The following SMCO4 variants were observed in gnomAD, a reference collection of about 807,000 sequenced individuals.
SMCO4 encodes the protein single-pass membrane and coiled-coil domain-containing protein 4.
A neutral mutation model predicts 3.6 loss-of-function variants in SMCO4; 4 were observed. That is an observed-to-expected ratio of 1.11 (90% CI 0.54 to 2.53). The LOEUF (loss-of-function observed/expected upper bound fraction) is 2.53, where lower values mean the gene tolerates loss of function less well. SMCO4 is among the 30% of genes most tolerant of loss of function. The probability of loss-of-function intolerance (pLI) is 0.02; values close to 1 mark genes in which losing one functional copy is unlikely to be tolerated. For synonymous variants in SMCO4, 36 were observed against 35.3 expected (o/e 1.02, Z -0.07); for missense variants, 70 against 80.8 (o/e 0.87, Z 0.51).
chr11:93,511,490 T>C (rs1163769273), intron 1 of SMCO4, among the ~76,000 whole-genome samples: 1 of 152,180 alleles, frequency 6.6e-6, no homozygotes, highest in Admixed American at 6.5e-5. Context: ...ATTCTCTCCA[T>C]GTCTGTGTGG....
At chr11:93,533,897 C>T (rs1949187194) in intron 1 of SMCO4, among the ~76,000 whole-genome samples, 1 of 152,088 alleles carries the variant, frequency 6.6e-6, no homozygotes, top group African/African-American at 2.4e-5. Flanking sequence ...CATTTTAAAA[C>T]AGTTATTAGC....
At chr11:93,506,197 G>C (rs372623923) in intron 1 of SMCO4, among the ~76,000 whole-genome samples, 1 of 152,180 alleles carries the variant, frequency 6.6e-6, no homozygotes, top group African/African-American at 2.4e-5. Context: ...TATGGAAAGC[G>C]AGAGAATCTA....
intron 1 of SMCO4, among the ~76,000 whole-genome samples, chr11:93,500,087 G>C (rs1024189176): frequency 6.6e-6 from 1 of 152,244 alleles, no homozygotes. Context: ...ACATAATTGA[G>C]TAATGGTACA....
At position 93,533,817 on chromosome 11, in the gene SMCO4, T is replaced by C. The variant is rs144689914; in HGVS notation, c.-154+9459A>G. On this transcript the variant is annotated intron_variant, in intron 1 of 2. Transcript: ENST00000298966. ...TCTGCCCCGACAGCTACTAATCTCCTGACCTCTTCTCTTTAATGTTACCAG... is the reference window on the plus strand; with the variant it reads ...TCTGCCCCGACAGCTACTAATCTCCCGACCTCTTCTCTTTAATGTTACCAG... 6.9e-3 allele frequency among the ~76,000 whole-genome samples: 1,046 copies of C among 152,292 alleles called. 15 individuals are homozygous for C. Among genetic ancestry groups the C allele is most frequent in the African/African-American group, 0.024 (1,011 of 41,554 alleles).
chr11:93,481,470 T>C (rs1948591827), intron 2 of SMCO4: 1 of 985,276 alleles, frequency 1.0e-6, no homozygotes, highest in Non-Finnish European at 1.2e-6. Context: ...GGAAGCTGTA[T>C]AACTCAGGGC....
chr11:93,516,832 A>G (rs1414512991), intron 1 of SMCO4, among the ~76,000 whole-genome samples: 1 of 152,190 alleles, frequency 6.6e-6, no homozygotes, highest in Admixed American at 6.5e-5. Flanking sequence ...AGAGATCTAC[A>G]TACCCATTTA....
intron 1 of SMCO4, among the ~76,000 whole-genome samples, chr11:93,524,276 C>A (rs537707663): frequency 6.6e-6 from 1 of 152,216 alleles, no homozygotes; most frequent in African/African-American, 2.4e-5. Flanking sequence ...AGGAAACGGC[C>A]GGGAGGGAAC....
intron 1 of SMCO4, among the ~76,000 whole-genome samples, chr11:93,538,499 C>T (rs1379870911): frequency 6.6e-6 from 1 of 152,204 alleles, no homozygotes; most frequent in African/African-American, 2.4e-5. Context: ...AGGAATCCAA[C>T]TTCATTCTCT....
chr11:93,479,213 G>T lies in SMCO4; in HGVS notation c.-24C>A. On this transcript the variant is annotated 5_prime_UTR_variant, in exon 3 of 3. Transcript: ENST00000298966. ...ATCTTTCCTAGAGGATGCTAGGAGG[G>T]TGTGTCCAGAGGGATTCCAGGAAGG... The T allele has an allele frequency of 6.2e-7, 1 of 1,609,900 alleles. No individual in the cohort carries two copies. The highest frequency in any genetic ancestry group is 8.5e-7 in the Non-Finnish European group (1 of 1,177,766).
chr11:93,541,737 G>GT (rs1359625639), intron 1 of SMCO4, among the ~76,000 whole-genome samples: 1 of 152,056 alleles, frequency 6.6e-6, no homozygotes, highest in African/African-American at 2.4e-5. Flanking sequence ...ACTACTATTA[G>GT]TTTTTTGTTG....
At chr11:93,549,839 C>T in the SMCO4 span, among the ~76,000 whole-genome samples, 1 of 152,070 alleles carries the variant, frequency 6.6e-6, no homozygotes, top group Non-Finnish European at 1.5e-5. Context: ...AGCTTGAAGT[C>T]CTGTACATTT....
At position 93,478,758 on chromosome 11, in the gene SMCO4, C is replaced by CAA; in HGVS notation, c.*251_*252insTT. The CAA allele has an allele frequency of 2.3e-4, 209 of 925,418 alleles. No individual in the cohort carries two copies. The highest frequency in any genetic ancestry group is 3.8e-4 in the Middle Eastern group (1 of 2,634). The allele number at this position is 925,418 out of a possible 1,614,324, so 57.3% of individuals were successfully genotyped here. A position where few individuals can be genotyped will look rare whatever the true frequency, so the allele number is the denominator to read the frequency against. ...ACACACACACACACACACACATGCG[C>CAA]GCGCGCTTTGAAGTCTGAAAGGCAC... On this transcript the variant is annotated 3_prime_UTR_variant, in exon 3 of 3. Transcript: ENST00000298966.
intron 1 of SMCO4, among the ~76,000 whole-genome samples, chr11:93,542,740 T>C (rs572196419): frequency 8.0e-5 from 12 of 150,916 alleles, no homozygotes; most frequent in African/African-American, 2.9e-4. Context: ...GCCTCACCTC[T>C]ACTCCCCGAC....
chr11:93,540,694 G>A (rs1185713766), intron 1 of SMCO4, among the ~76,000 whole-genome samples: 2 of 152,136 alleles, frequency 1.3e-5, no homozygotes, highest in African/African-American at 4.8e-5. Context: ...GTAAAATGAT[G>A]CTCACTCCTA....
At chr11:93,482,753 T>C (rs1358434580) in intron 2 of SMCO4, among the ~76,000 whole-genome samples, 1 of 152,180 alleles carries the variant, frequency 6.6e-6, no homozygotes, top group African/African-American at 2.4e-5. Flanking sequence ...ACGTGCTCAG[T>C]GCAGAGCTGG....
At chr11:93,518,217 T>C (rs567487152) in intron 1 of SMCO4, among the ~76,000 whole-genome samples, 1 of 152,382 alleles carries the variant, frequency 6.6e-6, no homozygotes, top group African/African-American at 2.4e-5. Flanking sequence ...CCTTTGGTGT[T>C]TGGTTTCTCT....
chr11:93,479,733 G>A (rs1948570128), intron 2 of SMCO4, among the ~76,000 whole-genome samples: 1 of 152,198 alleles, frequency 6.6e-6, no homozygotes. Context: ...AGCCAGGCCA[G>A]CCTCATTAAG....
chr11:93,505,455 G>T (rs920900081), intron 1 of SMCO4, among the ~76,000 whole-genome samples: 4 of 151,956 alleles, frequency 2.6e-5, no homozygotes, highest in African/African-American at 9.7e-5. Context: ...CATATTTGAG[G>T]TATAAATTAT....
intron 1 of SMCO4, 62 bp downstream of exon 1, chr11:93,543,214 C>CCGCGCCCGCCCGCCGG (rs1949287091): frequency 2.4e-5 from 3 of 125,566 alleles, no homozygotes; most frequent in South Asian, 4.7e-4. Context: ...GCCCCGTGCC[C>CCGCGCCCGCCCGCCGG]CGCGCCCGCC....
Sources: allele counts gnomAD v4.1 joint callset (sites outside exome capture counted in the v4.1 genomes callset), GRCh38; gene constraint gnomAD v4.1.1; transcripts MANE v1.5; gene names NCBI Gene and HGNC (gene_info 2026-07-23, HGNC 2026-07-21).